SLC22A25: variants seen among roughly 807,000 people sequenced by gnomAD.
SLC22A25 encodes MGI:2442751, MGI:2385316, MGI:3042283, MGI:3645714, MGI:3605624, MGI:2442750.
Under a neutral mutation model 45.9 loss-of-function variants are expected in SLC22A25, and 44 were observed. That is an observed-to-expected ratio of 0.96 (90% confidence interval 0.75 to 1.23). The LOEUF (loss-of-function observed/expected upper bound fraction) is 1.23. Among genes scored for constraint, SLC22A25 ranks in the 50% most tolerant of loss-of-function variants. The pLI, the probability that SLC22A25 is intolerant of heterozygous loss-of-function variation, is 0.00. For synonymous variants in SLC22A25, 283 were observed against 238.6 expected, an observed-to-expected ratio of 1.19 and a Z score of -1.72; for missense variants, 800 against 666.4, an observed-to-expected ratio of 1.20 and a Z score of -2.21.
chr11:63,177,351 AGTGTGTGTGTGTGTGTGTGTGT>A (rs58040188), intron 9 of SLC22A25, among the ~76,000 whole-genome samples: 2 of 149,654 alleles, frequency 1.3e-5, no homozygotes, highest in Non-Finnish European at 3.0e-5. Context: ...TCATCATTTG[AGTGTGTGTGTGTGTGTGTGTGT>A]GTGTGTGTGT....
At chr11:63,206,478 C>T (rs1454241448) in intron 7 of SLC22A25, among the ~76,000 whole-genome samples, 1 of 152,150 alleles carries the variant, frequency 6.6e-6, no homozygotes, top group East Asian at 1.9e-4. Flanking sequence ...CACAAGCATT[C>T]CTATACACAA....
intron 7 of SLC22A25, among the ~76,000 whole-genome samples, chr11:63,195,138 C>A (rs973766106): frequency 6.6e-6 from 1 of 151,970 alleles, no homozygotes; most frequent in Non-Finnish European, 1.5e-5. Flanking sequence ...CACTTAGACT[C>A]CCACACAATA....
intron 9 of SLC22A25, among the ~76,000 whole-genome samples, chr11:63,172,869 A>G (rs181107877): frequency 2.5e-4 from 38 of 152,254 alleles, no homozygotes; most frequent in Admixed American, 1.8e-3. Context: ...ATTACTGGGT[A>G]TATTATTCAA....
chr11:63,213,946 A>T (rs1166876754), intron 7 of SLC22A25, among the ~76,000 whole-genome samples: 4 of 152,222 alleles, frequency 2.6e-5, no homozygotes, highest in Non-Finnish European at 5.9e-5. Context: ...TCCACTCAGA[A>T]GGCTGAATTA....
At chr11:63,196,598 C>A (rs888567988) in intron 7 of SLC22A25, among the ~76,000 whole-genome samples, 133 of 152,006 alleles carry the variant, frequency 8.7e-4, no homozygotes, top group Non-Finnish European at 1.6e-3. Flanking sequence ...TATTGATGGG[C>A]TGTATCTCAA....
intron 7 of SLC22A25, among the ~76,000 whole-genome samples, chr11:63,200,342 TG>T (rs554316584): frequency 1.0e-3 from 151 of 149,790 alleles, no homozygotes; most frequent in Middle Eastern, 3.4e-3. Flanking sequence ...GAAGTAAGGA[TG>T]GCTCAACATA....
chr11:63,168,325 A>G (rs1319264038), intron 9 of SLC22A25, among the ~76,000 whole-genome samples: 2 of 152,166 alleles, frequency 1.3e-5, no homozygotes, highest in Non-Finnish European at 2.9e-5. Flanking sequence ...AGTTTGACAA[A>G]TTGACAGAAG....
rs542353096 is a variant in SLC22A25, at chr11:63,221,621, T to C, written c.507-3886A>G. Among the ~76,000 whole-genome samples, 36 of 152,206 alleles carry C rather than the reference T, an allele frequency of 2.4e-4. 1 individual carries two copies. The South Asian group carries it at 7.3e-3, about 31-fold the overall frequency. On this transcript the variant is annotated intron_variant, in intron 5 of 11. Transcript: ENST00000306494. ...ATTGTTTCCTTTGTTGTACAGAAGT[T>C]TTTTGAACTTGATATGATCCAATTT...
chr11:63,239,062 G>T lies in SLC22A25; in HGVS notation c.-922C>A. 1 of 175,848 alleles carries T rather than the reference G, an allele frequency of 5.7e-6. No homozygotes were observed. Among genetic ancestry groups the T allele is most frequent in the East Asian group, 1.3e-4 (1 of 7,652 alleles). The allele number at this position is 175,848 out of a possible 1,614,324, so 10.9% of individuals were successfully genotyped here. On this transcript the variant is annotated 5_prime_UTR_variant, in exon 2 of 12. Transcript: ENST00000306494. Reference sequence around the variant, plus strand: ...AGATGATAAGAAAAACCATCTGAAGGATCTGAAATCTCCCCAAGCCACCAA... The same window carrying T: ...AGATGATAAGAAAAACCATCTGAAGTATCTGAAATCTCCCCAAGCCACCAA...
intron 10 of SLC22A25, among the ~76,000 whole-genome samples, chr11:63,165,607 G>A (rs748111029): frequency 6.6e-6 from 1 of 152,186 alleles, no homozygotes; most frequent in Admixed American, 6.5e-5. Flanking sequence ...CAGTGGATAT[G>A]TAGTGATTAG....
In SLC22A25 at chr11:63,243,438, A is replaced by T; in HGVS notation, c.-1000T>A. 1.3e-6 allele frequency: 1 copy of T among 752,576 alleles called. No homozygotes were observed. Among genetic ancestry groups the T allele is most frequent in the Middle Eastern group, 2.4e-4 (1 of 4,254 alleles). 46.6% of individuals were successfully genotyped at this position (752,576 alleles called of 1,614,324 possible). ...TTCCCTCTGGCCACGATTTACCTGG[A>T]CTGTTTCTTCGCCAGGATCCCAACT... is the stretch of plus-strand genomic sequence containing the variant. On this transcript the variant is annotated 5_prime_UTR_variant, in exon 1 of 12. Coordinates refer to ENST00000306494, the MANE Select transcript of SLC22A25 (RefSeq NM_199352.6).
rs1160297445 is a variant in SLC22A25 at position 63,243,531 on chromosome 11, GC to G, written c.-1094del. 3.9e-6 allele frequency: 3 copies of G among 762,920 alleles called. No individual in the cohort carries two copies. Among genetic ancestry groups the G allele is most frequent in the Non-Finnish European group, 7.3e-6 (3 of 408,354 alleles). 47.3% of individuals were successfully genotyped at this position (762,920 alleles called of 1,614,324 possible). A position where few individuals can be genotyped will look rare whatever the true frequency, so the allele number is the denominator to read the frequency against. The stretch of plus-strand genomic sequence containing the variant: ...CTGGCCTCCAGGCTCAAAGAGTCCA[GC>G]CCACTGACTGCCAAAAAGCTGTGCA... On this transcript the variant is annotated 5_prime_UTR_variant, in exon 1 of 12. An upstream open reading frame in the 5' UTR gains an earlier in-frame stop. Transcript: ENST00000306494.
chr11:63,226,386 G>A (rs541421891), intron 5 of SLC22A25, among the ~76,000 whole-genome samples: 2 of 152,328 alleles, frequency 1.3e-5, no homozygotes, highest in African/African-American at 2.4e-5. Flanking sequence ...ACATAGTAAT[G>A]CTGTAGTTCT....
At chr11:63,226,109 G>A (rs1022743149) in intron 5 of SLC22A25, among the ~76,000 whole-genome samples, 1 of 151,818 alleles carries the variant, frequency 6.6e-6, no homozygotes. Context: ...TATCTGAAAG[G>A]TCACATATCT....
intron 7 of SLC22A25, among the ~76,000 whole-genome samples, chr11:63,186,230 A>G (rs77377216): frequency 1 from 126,566 of 126,992 alleles, 63,076 homozygotes; most frequent in Middle Eastern, 1. Flanking sequence ...TTTAATGATC[A>G]CCATTCTAAC....
intron 7 of SLC22A25, among the ~76,000 whole-genome samples, chr11:63,186,593 G>C (rs1590817284): frequency 6.6e-6 from 1 of 152,122 alleles, no homozygotes; most frequent in South Asian, 2.1e-4. Context: ...CATTGCTTTT[G>C]GTGTTTTAGA....
intron 3 of SLC22A25, among the ~76,000 whole-genome samples, chr11:63,235,033 G>T (rs149398433): frequency 1.3e-5 from 2 of 152,132 alleles, no homozygotes; most frequent in African/African-American, 4.8e-5. Context: ...GCTTCCCTGT[G>T]GGTAACCTGA....
At chr11:63,195,620 T>C (rs1444190906) in intron 7 of SLC22A25, among the ~76,000 whole-genome samples, 1 of 151,632 alleles carries the variant, frequency 6.6e-6, no homozygotes, top group Non-Finnish European at 1.5e-5. Context: ...TAGAGGGAAA[T>C]TTATAGCACT....
intron 7 of SLC22A25, among the ~76,000 whole-genome samples, chr11:63,187,099 G>C (rs1278489190): frequency 6.6e-6 from 1 of 152,186 alleles, no homozygotes; most frequent in Admixed American, 6.5e-5. Flanking sequence ...TTGGTAGCTT[G>C]ATGGGGATGT....
Sources: allele counts gnomAD v4.1 joint callset (sites outside exome capture counted in the v4.1 genomes callset), GRCh38; gene constraint gnomAD v4.1.1; transcripts MANE v1.5; gene names NCBI Gene and HGNC (gene_info 2026-07-23, HGNC 2026-07-21).